CFAP96: variants seen among roughly 807,000 people sequenced by gnomAD.
The protein encoded by CFAP96 is cilia-and flagella-associated protein 96.
the CFAP96 span, among the ~76,000 whole-genome samples, chr4:185,439,610 T>G: frequency 6.6e-6 from 1 of 151,914 alleles, no homozygotes; most frequent in Non-Finnish European, 1.5e-5. Flanking sequence ...TTTTTGCTAC[T>G]TTATTAATAG....
At chr4:185,443,204 A>G in the CFAP96 span, among the ~76,000 whole-genome samples, 1 of 150,378 alleles carries the variant, frequency 6.6e-6, no homozygotes, top group African/African-American at 2.4e-5. Context: ...TTCTTTCTCC[A>G]TCTGTTTTGT....
At chr4:185,415,855 T>G in the CFAP96 span, 1 of 1,612,722 alleles carries the variant, frequency 6.2e-7, no homozygotes, top group Non-Finnish European at 8.5e-7. Flanking sequence ...AGATCTATAT[T>G]TACTATTTGA....
At chr4:185,440,202 A>T in the CFAP96 span, among the ~76,000 whole-genome samples, 2 of 152,094 alleles carry the variant, frequency 1.3e-5, no homozygotes, top group African/African-American at 2.4e-5. Flanking sequence ...AGAGTCTCTG[A>T]GAAATGCTAA....
At chr4:185,445,071 C>A in the CFAP96 span, 2 of 1,551,600 alleles carry the variant, frequency 1.3e-6, no homozygotes, top group South Asian at 1.2e-5. Flanking sequence ...AGATTTTCCA[C>A]CCACCAAGTG....
the CFAP96 span, chr4:185,416,148 C>A: frequency 9.0e-6 from 2 of 221,180 alleles, no homozygotes; most frequent in Non-Finnish European, 8.7e-6. Context: ...ATTAAAAGCA[C>A]AAATATTATT....
At chr4:185,429,626 T>G in the CFAP96 span, 1 of 639,878 alleles carries the variant, frequency 1.6e-6, no homozygotes, top group South Asian at 2.0e-5. Flanking sequence ...AAGCATTTAG[T>G]TCTAAAGTTT....
At chr4:185,432,202 G>C in the CFAP96 span, 6 of 1,548,934 alleles carry the variant, frequency 3.9e-6, no homozygotes, top group African/African-American at 5.5e-5. Flanking sequence ...AGAAAAAGCC[G>C]TAAGTGTTTT....
chr4:185,415,710 T>C, the CFAP96 span: 1 of 1,606,216 alleles, frequency 6.2e-7, no homozygotes, highest in South Asian at 1.1e-5. Context: ...AAATACTTAC[T>C]TTCCCCATGT....
chr4:185,413,708 A>T, the CFAP96 span: 6 of 1,596,144 alleles, frequency 3.8e-6, no homozygotes, highest in Admixed American at 9.1e-5. Flanking sequence ...ACTCCCATAA[A>T]TAATTAGTTA....
the CFAP96 span, chr4:185,415,990 C>T: frequency 3.5e-4 from 261 of 746,320 alleles, 4 homozygotes; most frequent in African/African-American, 4.3e-3. Flanking sequence ...TAGCCAAGTA[C>T]AGTAGTGAAA....
chr4:185,414,689 T>C, the CFAP96 span, among the ~76,000 whole-genome samples: 5 of 152,328 alleles, frequency 3.3e-5, no homozygotes, highest in Admixed American at 3.3e-4. Flanking sequence ...GGTCATGTTT[T>C]CTCCAAAATT....
At chr4:185,419,277 G>GC in the CFAP96 span, among the ~76,000 whole-genome samples, 1 of 152,048 alleles carries the variant, frequency 6.6e-6, no homozygotes, top group Non-Finnish European at 1.5e-5. Flanking sequence ...GACTACAGGT[G>GC]CCCGCCACCA....
At chr4:185,441,359 TTA>T in the CFAP96 span, among the ~76,000 whole-genome samples, 2 of 151,622 alleles carry the variant, frequency 1.3e-5, no homozygotes, top group Admixed American at 1.3e-4. Flanking sequence ...ATTTCAAAGT[TTA>T]TGTTTTTAAT....
the CFAP96 span, among the ~76,000 whole-genome samples, chr4:185,420,388 G>C: frequency 1.3e-5 from 2 of 152,138 alleles, no homozygotes; most frequent in Non-Finnish European, 1.5e-5. Context: ...AGAAGATATA[G>C]TCAAAGAAGA....
At chr4:185,427,485 CG>C in the CFAP96 span, among the ~76,000 whole-genome samples, 2 of 152,210 alleles carry the variant, frequency 1.3e-5, no homozygotes, top group Non-Finnish European at 2.9e-5. Context: ...AAAGGCCGGG[CG>C]CGGTGGCTCA....
At chr4:185,434,813 A>G in the CFAP96 span, among the ~76,000 whole-genome samples, 1 of 152,046 alleles carries the variant, frequency 6.6e-6, no homozygotes, top group Non-Finnish European at 1.5e-5. Context: ...ATCTCAGCTC[A>G]CTGCAATCTC....
chr4:185,418,733 A>C, the CFAP96 span: 1 of 1,609,502 alleles, frequency 6.2e-7, no homozygotes, highest in Non-Finnish European at 8.5e-7. Context: ...TTGACAGGTC[A>C]CTCAACACAT....
the CFAP96 span, chr4:185,418,723 T>C: frequency 3.7e-6 from 6 of 1,613,336 alleles, no homozygotes; most frequent in Non-Finnish European, 5.1e-6. Flanking sequence ...GACAGCTTAG[T>C]TGACAGGTCA....
At chr4:185,415,226 C>T in the CFAP96 span, 1 of 1,603,998 alleles carries the variant, frequency 6.2e-7, no homozygotes. Flanking sequence ...TTTTTTTTCC[C>T]TGGTAATAAA....
Sources: gnomAD v4.1 joint callset for allele counts (sites outside exome capture counted in the v4.1 genomes callset) on GRCh38, gnomAD v4.1.1 for gene constraint, MANE v1.5 for transcripts, NCBI Gene and HGNC (gene_info 2026-07-23, HGNC 2026-07-21) for gene names.